The following ANO3 variants were observed in gnomAD, a reference collection of about 807,000 sequenced individuals.
ANO3 encodes the protein anoctamin 3, also known as anoctamin-3.
ANO3 carries 99 observed loss-of-function variants against 144.8 expected under a neutral mutation model. The ratio of observed to expected loss-of-function variants is 0.68; its 90% CI spans 0.58 to 0.81. The LOEUF (loss-of-function observed/expected upper bound fraction) is 0.81. ANO3 is among the 30% of genes least tolerant of loss of function. The pLI is 0.00. For synonymous variants in ANO3, 414 were observed against 392.6 expected, an observed-to-expected ratio of 1.05 and a Z score of -0.64; for missense variants, 905 against 1,202.2, an observed-to-expected ratio of 0.75 and a Z score of 3.66.
At chr11:26,626,304 T>C (rs527803581) in intron 18 of ANO3, among the ~76,000 whole-genome samples, 22 of 152,220 alleles carry the variant, frequency 1.4e-4, no homozygotes, top group Middle Eastern at 3.4e-3. Flanking sequence ...ATGCAAGAGA[T>C]TTCTTAGAGG....
intron 5 of ANO3, among the ~76,000 whole-genome samples, chr11:26,510,720 A>G (rs1861631758): frequency 6.6e-6 from 1 of 152,206 alleles, no homozygotes; most frequent in Non-Finnish European, 1.5e-5. Flanking sequence ...GTCAGACATG[A>G]AATCTGTATA....
intron 1 of ANO3, among the ~76,000 whole-genome samples, chr11:26,338,693 A>AC (rs767890719): frequency 2.0e-4 from 30 of 151,708 alleles, no homozygotes; most frequent in Non-Finnish European, 2.4e-4. Context: ...GAGACCATGA[A>AC]CCCCCCCACT....
chr11:26,534,132 G>T (rs930632546), intron 8 of ANO3, among the ~76,000 whole-genome samples: 2 of 152,132 alleles, frequency 1.3e-5, no homozygotes, highest in Non-Finnish European at 2.9e-5. Context: ...GGGATAACAT[G>T]AATTTTTGAT....
At chr11:26,567,368 G>A (rs1850632507) in intron 14 of ANO3, among the ~76,000 whole-genome samples, 1 of 151,866 alleles carries the variant, frequency 6.6e-6, no homozygotes. Context: ...TACAAGTGCT[G>A]TTACTTAGTT....
chr11:26,476,928 T>A (rs1475178865), intron 4 of ANO3, among the ~76,000 whole-genome samples: 1,718 of 145,582 alleles, frequency 0.012, 30 homozygotes, highest in African/African-American at 0.042. Context: ...TGTGTGTGTG[T>A]GTGTGAGAGA....
At chr11:26,569,701 G>T (rs1051813531) in intron 14 of ANO3, among the ~76,000 whole-genome samples, 4 of 152,064 alleles carry the variant, frequency 2.6e-5, no homozygotes, top group Non-Finnish European at 4.4e-5. Context: ...ACTTTCGTGT[G>T]TGCTTTCCTT....
At chr11:26,199,291 G>T (rs1262446049) in intron 1 of ANO3, among the ~76,000 whole-genome samples, 2 of 151,882 alleles carry the variant, frequency 1.3e-5, no homozygotes, top group East Asian at 1.9e-4. Context: ...AAATTTAATG[G>T]GTCCCTAAGG....
intron 1 of ANO3, among the ~76,000 whole-genome samples, chr11:26,230,881 T>A (rs1852381402): frequency 6.7e-6 from 1 of 149,002 alleles, no homozygotes; most frequent in Non-Finnish European, 1.5e-5. Context: ...TCCCAGAAGT[T>A]TTTTTCTTTT....
At chr11:26,204,289 G>A (rs1048940923) in intron 1 of ANO3, among the ~76,000 whole-genome samples, 3 of 151,984 alleles carry the variant, frequency 2.0e-5, no homozygotes, top group African/African-American at 7.2e-5. Flanking sequence ...TATGTCTGGA[G>A]TTCATTTACC....
rs182530791 is a variant in ANO3 at position 26,570,566 on chromosome 11, C to A, written c.1447+10787C>A. Among the ~76,000 whole-genome samples, 6 of 152,210 alleles carry A rather than the reference C, an allele frequency of 3.9e-5. No individual in the cohort carries two copies. The East Asian group carries it at 1.2e-3, about 29-fold the overall frequency. ...CAAAATCAGAAATTCTAAATAGAAT[C>A]ATCAGTTCAGGTATACTGCAGGCAT... On this transcript the variant is annotated intron_variant, in intron 14 of 26. Transcript: ENST00000256737.
At chr11:26,519,258 T>C (rs1416688831) in intron 6 of ANO3, among the ~76,000 whole-genome samples, 2 of 152,198 alleles carry the variant, frequency 1.3e-5, no homozygotes, top group Non-Finnish European at 2.9e-5. Flanking sequence ...GTATAAAATA[T>C]GCTCAAAGAG....
chr11:26,319,144 C>CATCATCATCATTATTATT (rs1554938770), intron 1 of ANO3, among the ~76,000 whole-genome samples: 5,627 of 150,900 alleles, frequency 0.037, 367 homozygotes, highest in African/African-American at 0.13. Context: ...TTCCAGATAA[C>CATCATCATCATTATTATT]ATTATTATTA....
intron 1 of ANO3, among the ~76,000 whole-genome samples, chr11:26,206,942 T>G (rs1851806770): frequency 6.6e-6 from 1 of 152,128 alleles, no homozygotes; most frequent in Admixed American, 6.6e-5. Flanking sequence ...TTTTAAAAAG[T>G]GAAGCTTAAT....
chr11:26,521,114 T>C (rs953864371), intron 6 of ANO3, among the ~76,000 whole-genome samples: 5 of 152,132 alleles, frequency 3.3e-5, no homozygotes, highest in Non-Finnish European at 4.4e-5. Context: ...CAACTCATAA[T>C]AAAGGAATGC....
intron 7 of ANO3, among the ~76,000 whole-genome samples, chr11:26,529,557 C>T (rs1849312871): frequency 7.1e-6 from 1 of 140,856 alleles, no homozygotes. Flanking sequence ...AATTTTTTTT[C>T]TGAAGTTCAA....
chr11:26,360,175 A>AC (rs1326519158), intron 1 of ANO3, among the ~76,000 whole-genome samples: 11 of 51,968 alleles, frequency 2.1e-4, no homozygotes, highest in South Asian at 1.6e-3. Context: ...GCTTCCCCCA[A>AC]CCCCCCCGCC....
intron 7 of ANO3, among the ~76,000 whole-genome samples, chr11:26,526,525 T>C (rs1302102238): frequency 6.6e-6 from 1 of 152,168 alleles, no homozygotes; most frequent in Admixed American, 6.5e-5. Flanking sequence ...TAGAACTGTA[T>C]GGTGTGAATA....
At position 26,593,874 on chromosome 11, in the gene ANO3, G is replaced by A. The variant is rs373875678; in HGVS notation, c.1448-4491G>A. ...GCCTTCTTTTTATCCTGTTCGTCCCGTTCCGCCTGCTCTTCCTGATCTCTA... is the reference window on the plus strand; with the variant it reads ...GCCTTCTTTTTATCCTGTTCGTCCCATTCCGCCTGCTCTTCCTGATCTCTA... On this transcript the variant is annotated intron_variant, in intron 14 of 26. Transcript: ENST00000256737. Among the ~76,000 whole-genome samples, 22 of 152,180 alleles carry A rather than the reference G, an allele frequency of 1.4e-4. 1 individual carries two copies. The highest frequency in any genetic ancestry group is 3.9e-4 in the African/African-American group (16 of 41,536).
intron 1 of ANO3, among the ~76,000 whole-genome samples, chr11:26,384,666 GT>G (rs1856677424): frequency 6.6e-6 from 1 of 151,996 alleles, no homozygotes; most frequent in Non-Finnish European, 1.5e-5. Flanking sequence ...TTTCCCCATT[GT>G]TCCTGTAATA....
Sources: allele counts gnomAD v4.1 joint callset (sites outside exome capture counted in the v4.1 genomes callset), GRCh38; gene constraint gnomAD v4.1.1; transcripts MANE v1.5; gene names NCBI Gene and HGNC (gene_info 2026-07-23, HGNC 2026-07-21).